Variants in RBM20 observed in about 807,000 individuals in gnomAD.
The protein encoded by RBM20 is RNA binding motif protein 20, also known as RNA-binding protein 20.
Under a neutral mutation model 110.1 loss-of-function variants are expected in RBM20, and 51 were observed. That is an observed-to-expected ratio of 0.46 (90% CI 0.37 to 0.59). RBM20 has a LOEUF of 0.59. RBM20 is among the 20% of genes least tolerant of loss of function. RBM20 has a pLI of 0.00. For synonymous variants in RBM20, 589 were observed against 618.2 expected (o/e 0.95, Z 0.70); for missense variants, 1,512 against 1,574.9 (o/e 0.96, Z 0.68).
intron 1 of RBM20, among the ~76,000 whole-genome samples, chr10:110,648,068 G>A (rs1006864177): frequency 6.6e-6 from 1 of 152,214 alleles, no homozygotes; most frequent in African/African-American, 2.4e-5. Context: ...TATTTAATTT[G>A]AGTATAGATG....
chr10:110,703,372 C>CT (rs1273219759), intron 1 of RBM20, among the ~76,000 whole-genome samples: 1 of 148,522 alleles, frequency 6.7e-6, no homozygotes. Flanking sequence ...CGGTGAAACT[C>CT]TGTCTCAAAA....
intron 1 of RBM20, among the ~76,000 whole-genome samples, chr10:110,664,146 A>C (rs1862145238): frequency 6.6e-6 from 1 of 152,226 alleles, no homozygotes; most frequent in South Asian, 2.1e-4. Flanking sequence ...AGCAGTAAGC[A>C]CCTGTAACAT....
intron 1 of RBM20, among the ~76,000 whole-genome samples, chr10:110,733,755 C>T (rs991462635): frequency 6.6e-6 from 1 of 152,184 alleles, no homozygotes; most frequent in African/African-American, 2.4e-5. Flanking sequence ...GCAGAATGCC[C>T]AGGAACTGCT....
intron 1 of RBM20, among the ~76,000 whole-genome samples, chr10:110,702,434 G>A (rs1218072934): frequency 6.6e-6 from 1 of 152,196 alleles, no homozygotes; most frequent in Admixed American, 6.5e-5. Flanking sequence ...TAGTCTGGAG[G>A]CTGAGGCAGG....
intron 1 of RBM20, among the ~76,000 whole-genome samples, chr10:110,652,522 A>G (rs1012983926): frequency 2.6e-5 from 4 of 152,222 alleles, no homozygotes. Context: ...AAAAACAGCA[A>G]CAGAAGGAGT....
chr10:110,711,711 A>G (rs1862932286), intron 1 of RBM20, among the ~76,000 whole-genome samples: 1 of 152,224 alleles, frequency 6.6e-6, no homozygotes, highest in Non-Finnish European at 1.5e-5. Context: ...TCCTTTATCT[A>G]TCAGTCTGAT....
intron 1 of RBM20, chr10:110,756,561 C>T (rs955357655): frequency 6.6e-6 from 1 of 152,274 alleles, no homozygotes; most frequent in Admixed American, 6.5e-5. Context: ...TACCTCAATG[C>T]ACATTCCTCC....
At chr10:110,668,363 T>G (rs1862210222) in intron 1 of RBM20, among the ~76,000 whole-genome samples, 1 of 152,174 alleles carries the variant, frequency 6.6e-6, no homozygotes, top group South Asian at 2.1e-4. Flanking sequence ...CAGCCAGTCA[T>G]AATACTGAAA....
At chr10:110,742,744 C>T (rs898730964) in intron 1 of RBM20, among the ~76,000 whole-genome samples, 16 of 152,224 alleles carry the variant, frequency 1.1e-4, no homozygotes, top group Non-Finnish European at 1.9e-4. Flanking sequence ...AGTAGCTCAC[C>T]TGTTTCAAAA....
chr10:110,693,732 C>G (rs1049495452), intron 1 of RBM20, among the ~76,000 whole-genome samples: 1 of 152,074 alleles, frequency 6.6e-6, no homozygotes, highest in Admixed American at 6.5e-5. Context: ...AAATATTTTA[C>G]TATATGTCTT....
chr10:110,672,373 C>T (rs1468766408), intron 1 of RBM20, among the ~76,000 whole-genome samples: 1 of 152,230 alleles, frequency 6.6e-6, no homozygotes, highest in Non-Finnish European at 1.5e-5. Flanking sequence ...AACTAGAAGC[C>T]TGAGAGGTCT....
intron 1 of RBM20, among the ~76,000 whole-genome samples, chr10:110,701,170 C>T (rs1283645259): frequency 3.3e-5 from 5 of 152,096 alleles, no homozygotes; most frequent in East Asian, 1.9e-4. Flanking sequence ...CTGTGTGAGC[C>T]GGGGGTTCCA....
intron 1 of RBM20, among the ~76,000 whole-genome samples, chr10:110,758,872 C>G (rs1843957023): frequency 6.6e-6 from 1 of 152,172 alleles, no homozygotes; most frequent in South Asian, 2.1e-4. Flanking sequence ...ATATGTCACC[C>G]TGTGGATCCA....
chr10:110,700,082 A>C (rs1159599542), intron 1 of RBM20, among the ~76,000 whole-genome samples: 1 of 152,158 alleles, frequency 6.6e-6, no homozygotes, highest in Non-Finnish European at 1.5e-5. Flanking sequence ...TTTTCCATGT[A>C]ATATTTTTGG....
chr10:110,709,855 A>C (rs1284923264), intron 1 of RBM20, among the ~76,000 whole-genome samples: 3 of 152,144 alleles, frequency 2.0e-5, no homozygotes, highest in Non-Finnish European at 2.9e-5. Flanking sequence ...AGGCATGAGC[A>C]GTGGTGCCCA....
chr10:110,825,394 A>T (rs897449768), intron 12 of RBM20, among the ~76,000 whole-genome samples: 1 of 152,230 alleles, frequency 6.6e-6, no homozygotes, highest in East Asian at 1.9e-4. Context: ...ACTGTTTTTC[A>T]TTATAGAAAG....
intron 1 of RBM20, among the ~76,000 whole-genome samples, chr10:110,680,730 TC>T (rs1309581763): frequency 6.6e-6 from 1 of 152,036 alleles, no homozygotes; most frequent in Non-Finnish European, 1.5e-5. Flanking sequence ...GGCAGGACCT[TC>T]TCCTTCACCC....
At chr10:110,753,732 G>C (rs1209031989) in intron 1 of RBM20, among the ~76,000 whole-genome samples, 4 of 152,190 alleles carry the variant, frequency 2.6e-5, no homozygotes, top group African/African-American at 4.8e-5. Context: ...CAGTTTCCCT[G>C]GGCTAAAGTC....
At chr10:110,726,382 G>A (rs1291232241) in intron 1 of RBM20, among the ~76,000 whole-genome samples, 1 of 152,166 alleles carries the variant, frequency 6.6e-6, no homozygotes, top group Non-Finnish European at 1.5e-5. Context: ...ACTGTTCCAA[G>A]CATCAGCAAT....
Sources: allele counts gnomAD v4.1 joint callset (sites outside exome capture counted in the v4.1 genomes callset), GRCh38; gene constraint gnomAD v4.1.1; transcripts MANE v1.5; gene names NCBI Gene and HGNC (gene_info 2026-07-23, HGNC 2026-07-21).